ALK: variants seen among roughly 807,000 people sequenced by gnomAD.
ALK encodes the protein ALK receptor tyrosine kinase.
A neutral mutation model predicts 163.1 loss-of-function variants in ALK; 74 were observed. The observed-to-expected ratio is 0.45, with a 90% CI of 0.38 to 0.55. The LOEUF (loss-of-function observed/expected upper bound fraction) is 0.55. ALK is among the 20% of genes least tolerant of loss of function. The pLI is 0.00. For synonymous variants in ALK, 960 were observed against 843.2 expected (o/e 1.14, Z -2.40); for missense variants, 2,063 against 2,105.3 (o/e 0.98, Z 0.39).
chr2:29,639,682 C>T (rs1338480795), intron 3 of ALK, among the ~76,000 whole-genome samples: 1 of 152,142 alleles, frequency 6.6e-6, no homozygotes, highest in Non-Finnish European at 1.5e-5. Context: ...TTCTGGCAGT[C>T]AAAGCTAAGA....
At chr2:29,274,480 G>A (rs955504984) in intron 11 of ALK, among the ~76,000 whole-genome samples, 2 of 152,236 alleles carry the variant, frequency 1.3e-5, no homozygotes, top group Non-Finnish European at 2.9e-5. Flanking sequence ...CAGCTTCTGC[G>A]GGGCTAGGTT....
At chr2:29,588,724 T>C (rs1321407338) in intron 3 of ALK, among the ~76,000 whole-genome samples, 8 of 152,238 alleles carry the variant, frequency 5.3e-5, no homozygotes, top group Admixed American at 3.3e-4. Context: ...ACAGACAATA[T>C]GTAAGCAAAT....
intron 1 of ALK, among the ~76,000 whole-genome samples, chr2:29,850,739 T>A (rs531415974): frequency 3.9e-5 from 6 of 152,320 alleles, no homozygotes; most frequent in African/African-American, 1.4e-4. Flanking sequence ...GTGTATTTTG[T>A]AGTACTTCCC....
At chr2:29,467,972 C>T (rs1368010602) in intron 4 of ALK, among the ~76,000 whole-genome samples, 1 of 151,722 alleles carries the variant, frequency 6.6e-6, no homozygotes, top group African/African-American at 2.4e-5. Flanking sequence ...TGTTTAATAT[C>T]CAACATGATA....
At chr2:29,845,484 G>T (rs901218137) in intron 1 of ALK, among the ~76,000 whole-genome samples, 1 of 151,962 alleles carries the variant, frequency 6.6e-6, no homozygotes, top group Non-Finnish European at 1.5e-5. Context: ...ACCCATGCTG[G>T]AGTGCAATGG....
chr2:29,608,403 G>A (rs914972298), intron 3 of ALK, among the ~76,000 whole-genome samples: 2 of 152,178 alleles, frequency 1.3e-5, no homozygotes, highest in Non-Finnish European at 2.9e-5. Context: ...GATGAACAGA[G>A]GTGTGAGTTG....
chr2:29,665,319 C>T (rs187605912), intron 3 of ALK, among the ~76,000 whole-genome samples: 15 of 152,050 alleles, frequency 9.9e-5, no homozygotes, highest in Non-Finnish European at 2.1e-4. Flanking sequence ...TTCCACAACC[C>T]CTGACCCTCC....
At chr2:29,679,064 A>C (rs1030466222) in intron 3 of ALK, among the ~76,000 whole-genome samples, 2 of 151,882 alleles carry the variant, frequency 1.3e-5, no homozygotes, top group Non-Finnish European at 2.9e-5. Context: ...TTTGATGCAC[A>C]TACATTTATA....
intron 5 of ALK, among the ~76,000 whole-genome samples, chr2:29,335,931 T>C (rs556680351): frequency 6.6e-6 from 1 of 152,098 alleles, no homozygotes; most frequent in South Asian, 2.1e-4. Flanking sequence ...TCACAGCTAC[T>C]TGGGAGGGCT....
chr2:29,473,844 A>G (rs1226136755), intron 4 of ALK, among the ~76,000 whole-genome samples: 1 of 149,448 alleles, frequency 6.7e-6, no homozygotes, highest in Non-Finnish European at 1.5e-5. Flanking sequence ...GGACAGAGTG[A>G]GACTTTGTCA....
chr2:29,647,649 C>G (rs1676916601), intron 3 of ALK, among the ~76,000 whole-genome samples: 1 of 152,166 alleles, frequency 6.6e-6, no homozygotes, highest in South Asian at 2.1e-4. Context: ...TCATATTCCC[C>G]TGATTAAGCC....
intron 4 of ALK, among the ~76,000 whole-genome samples, chr2:29,483,041 T>C (rs563299908): frequency 2.6e-4 from 40 of 152,198 alleles, no homozygotes; most frequent in African/African-American, 9.6e-4. Flanking sequence ...TGTTCTAGAA[T>C]AGGAAACCCA....
chr2:29,636,582 A>G (rs1676538762), intron 3 of ALK, among the ~76,000 whole-genome samples: 1 of 152,162 alleles, frequency 6.6e-6, no homozygotes, highest in Non-Finnish European at 1.5e-5. Flanking sequence ...TCTATAAAAG[A>G]AAAATTTGGT....
At position 29,859,653 on chromosome 2, in the gene ALK, T is replaced by C. The variant is rs143295554; in HGVS notation, c.667+60340A>G. ...AATAAATAGAAAAAATCAGGAGTGA[T>C]TGGAATTGGAGGGGAAAGAGGGAAA... On this transcript the variant is annotated intron_variant, in intron 1 of 28. Transcript: ENST00000389048. Among the ~76,000 whole-genome samples the C allele has an allele frequency of 9.2e-3, 1,391 of 151,380 alleles. 14 individuals carry two copies. The highest frequency in any genetic ancestry group is 0.015 in the Non-Finnish European group (1,024 of 67,834).
intron 3 of ALK, among the ~76,000 whole-genome samples, chr2:29,690,334 G>C (rs774839119): frequency 2.3e-4 from 35 of 152,178 alleles, no homozygotes; most frequent in Non-Finnish European, 4.0e-4. Flanking sequence ...AGGACGGGGA[G>C]AGAGTTGAGC....
At chr2:29,447,812 T>C (rs1196228648) in intron 4 of ALK, among the ~76,000 whole-genome samples, 1 of 152,080 alleles carries the variant, frequency 6.6e-6, no homozygotes, top group Non-Finnish European at 1.5e-5. Context: ...GTGGGGTCCT[T>C]ACTACTCTCA....
intron 1 of ALK, among the ~76,000 whole-genome samples, chr2:29,869,041 C>A (rs111667008): frequency 5.9e-5 from 9 of 152,276 alleles, no homozygotes; most frequent in African/African-American, 1.2e-4. Flanking sequence ...GAGTTTGAAA[C>A]GTCTTTCACC....
At chr2:29,857,014 T>C (rs576194251) in intron 1 of ALK, among the ~76,000 whole-genome samples, 2 of 152,282 alleles carry the variant, frequency 1.3e-5, no homozygotes, top group African/African-American at 2.4e-5. Flanking sequence ...GGGTGGGATT[T>C]AGCAAATATA....
chr2:29,536,849 T>C (rs12464620), intron 3 of ALK, among the ~76,000 whole-genome samples: 20,954 of 152,204 alleles, frequency 0.14, 1,744 homozygotes, highest in East Asian at 0.34. Context: ...GTAACCTGTG[T>C]TACACCTCAG....
Sources: gnomAD v4.1 joint callset for allele counts (sites outside exome capture counted in the v4.1 genomes callset) on GRCh38, gnomAD v4.1.1 for gene constraint, MANE v1.5 for transcripts, NCBI Gene and HGNC (gene_info 2026-07-23, HGNC 2026-07-21) for gene names.